The following IGSF11 variants were observed in gnomAD, a reference collection of about 807,000 sequenced individuals.
IGSF11 encodes immunoglobulin superfamily member 11.
A neutral mutation model predicts 41.0 loss-of-function variants in IGSF11; 22 were observed. The ratio of observed to expected loss-of-function variants is 0.54; its 90% confidence interval spans 0.38 to 0.77. IGSF11 has a LOEUF of 0.77. Ranked by LOEUF, IGSF11 falls within the 30% of genes least tolerant of loss-of-function variation. IGSF11 has a pLI of 0.00. For missense variants in IGSF11, 444 were observed against 530.8 expected, an observed-to-expected ratio of 0.84 and a Z score of 1.61; for synonymous variants, 219 against 201.3, an observed-to-expected ratio of 1.09 and a Z score of -0.74.
intron 1 of IGSF11, among the ~76,000 whole-genome samples, chr3:119,016,497 T>C (rs948230906): frequency 2.0e-5 from 3 of 152,228 alleles, no homozygotes; most frequent in African/African-American, 4.8e-5. Context: ...TATAGGATTA[T>C]TGACTATGCA....
chr3:118,939,076 T>C (rs955873068), intron 1 of IGSF11, among the ~76,000 whole-genome samples: 1 of 152,130 alleles, frequency 6.6e-6, no homozygotes, highest in African/African-American at 2.4e-5. Context: ...GAACTTAACA[T>C]AAATGAAAAC....
chr3:119,078,763 A>C (rs1314685089), intron 1 of IGSF11, among the ~76,000 whole-genome samples: 1 of 152,170 alleles, frequency 6.6e-6, no homozygotes, highest in African/African-American at 2.4e-5. Context: ...CAAAACTATC[A>C]ACAGAGCAAA....
At chr3:119,067,712 C>T (rs905752088) in intron 1 of IGSF11, among the ~76,000 whole-genome samples, 4 of 152,028 alleles carry the variant, frequency 2.6e-5, no homozygotes, top group Non-Finnish European at 4.4e-5. Context: ...CTACTAAAAA[C>T]TTTATTTCAT....
chr3:118,982,190 A>AGCCACTTT (rs1331140030), intron 1 of IGSF11, among the ~76,000 whole-genome samples: 1 of 152,168 alleles, frequency 6.6e-6, no homozygotes, highest in African/African-American at 2.4e-5. Context: ...TATCACGTAA[A>AGCCACTTT]GCCACTTTGT....
At chr3:118,989,732 C>T (rs1443805227) in intron 1 of IGSF11, among the ~76,000 whole-genome samples, 2 of 152,258 alleles carry the variant, frequency 1.3e-5, no homozygotes, top group African/African-American at 2.4e-5. Context: ...ATGTTTTTTA[C>T]ACTTCATTTT....
At chr3:119,017,104 G>C (rs568401883) in intron 1 of IGSF11, among the ~76,000 whole-genome samples, 2 of 150,574 alleles carry the variant, frequency 1.3e-5, no homozygotes, top group South Asian at 4.2e-4. Context: ...TCCAAGCTGG[G>C]TACTAAAGCA....
At chr3:118,920,340 TTAAATAAA>T (rs200987239) in intron 4 of IGSF11, among the ~76,000 whole-genome samples, 2,343 of 149,396 alleles carry the variant, frequency 0.016, 52 homozygotes, top group East Asian at 0.066. Context: ...AATAAATAAA[TTAAATAAA>T]TAAATAAATA....
At chr3:119,001,745 G>C (rs1168108137) in intron 1 of IGSF11, among the ~76,000 whole-genome samples, 1 of 150,072 alleles carries the variant, frequency 6.7e-6, no homozygotes, top group Non-Finnish European at 1.5e-5. Context: ...TCTTGTGATA[G>C]TTTACTGAGA....
intron 1 of IGSF11, among the ~76,000 whole-genome samples, chr3:119,062,641 T>C (rs1462116521): frequency 2.0e-5 from 3 of 152,234 alleles, no homozygotes; most frequent in South Asian, 4.1e-4. Context: ...CATCTATTTA[T>C]GTCCTAACTA....
Position 119,110,955 on chromosome 3 carries a change from G to T in IGSF11, c.-13-5750C>A, listed in dbSNP as rs569422409. 7.3e-3 allele frequency among the ~76,000 whole-genome samples: 1,105 copies of T among 152,004 alleles called. 8 individuals carry two copies. Among genetic ancestry groups the T allele is most frequent in the African/African-American group, 0.026 (1,057 of 41,410 alleles). On this transcript the variant is annotated intron_variant, in intron 1 of 7. Coordinates refer to the IGSF11 transcript ENST00000425327. Reference sequence around the variant, plus strand: ...CTGGCTTGTAGAGTTTCTGCCGAGAGATCCGCTATTAGTCTGATGGGCTTC... The same window carrying T: ...CTGGCTTGTAGAGTTTCTGCCGAGATATCCGCTATTAGTCTGATGGGCTTC...
chr3:118,916,732 G>A (rs923307646), intron 4 of IGSF11, among the ~76,000 whole-genome samples: 1 of 151,908 alleles, frequency 6.6e-6, no homozygotes, highest in African/African-American at 2.4e-5. Context: ...CCCAGGAATT[G>A]AACTCAGCTC....
chr3:119,130,565 G>A (rs183497018), intron 1 of IGSF11, among the ~76,000 whole-genome samples: 298 of 152,334 alleles, frequency 2.0e-3, no homozygotes, highest in Non-Finnish European at 3.6e-3. Context: ...AGCTCGAACT[G>A]GGCAGAACCC....
At chr3:119,110,373 T>C (rs1238591024) in intron 1 of IGSF11, among the ~76,000 whole-genome samples, 2 of 152,132 alleles carry the variant, frequency 1.3e-5, no homozygotes, top group Non-Finnish European at 2.9e-5. Flanking sequence ...TTGATCTTTG[T>C]TGGTTTAAAG....
intron 1 of IGSF11, among the ~76,000 whole-genome samples, chr3:119,136,050 C>T (rs915360641): frequency 1.3e-5 from 2 of 152,132 alleles, no homozygotes; most frequent in Non-Finnish European, 2.9e-5. Flanking sequence ...ACATCACACA[C>T]CAGCACCTGT....
intron 1 of IGSF11, among the ~76,000 whole-genome samples, chr3:119,005,061 G>T (rs1239819195): frequency 6.7e-6 from 1 of 148,284 alleles, no homozygotes; most frequent in East Asian, 2.0e-4. Context: ...TTGACAGTGG[G>T]GTGTTAAAGT....
chr3:119,021,007 T>C (rs1057240469), intron 1 of IGSF11, among the ~76,000 whole-genome samples: 1 of 152,170 alleles, frequency 6.6e-6, no homozygotes, highest in Non-Finnish European at 1.5e-5. Flanking sequence ...CAACAGTTTG[T>C]TAGAAAATGA....
chr3:118,960,627 C>T (rs1945278377), intron 1 of IGSF11, among the ~76,000 whole-genome samples: 1 of 151,666 alleles, frequency 6.6e-6, no homozygotes, highest in Admixed American at 6.6e-5. Context: ...GGGAAAAAAA[C>T]AAAAAAATAA....
At chr3:118,915,355 T>A (rs1290751000) in intron 4 of IGSF11, among the ~76,000 whole-genome samples, 1 of 77,404 alleles carries the variant, frequency 1.3e-5, no homozygotes, top group Non-Finnish European at 2.2e-5. Context: ...TTGAAAACTT[T>A]GAAAAAAATT....
chr3:119,012,352 A>G (rs1162359830), intron 1 of IGSF11, among the ~76,000 whole-genome samples: 1 of 152,210 alleles, frequency 6.6e-6, no homozygotes, highest in South Asian at 2.1e-4. Context: ...AGCTTCCCAA[A>G]TAAGTTCTAA....
Sources: allele counts gnomAD v4.1 joint callset (sites outside exome capture counted in the v4.1 genomes callset), GRCh38; gene constraint gnomAD v4.1.1; transcripts MANE v1.5; gene names NCBI Gene and HGNC (gene_info 2026-07-23, HGNC 2026-07-21).